The following ADAMTS3 variants were observed in gnomAD, a reference collection of about 807,000 sequenced individuals.
ADAMTS3 encodes ADAM metallopeptidase with thrombospondin type 1 motif 3, also known as A disintegrin and metalloproteinase with thrombospondin motifs 3.
Under a neutral mutation model 129.0 loss-of-function variants are expected in ADAMTS3, and 73 were observed. That is an observed-to-expected ratio of 0.57 (90% CI 0.47 to 0.69). The LOEUF (loss-of-function observed/expected upper bound fraction) is 0.69. ADAMTS3 is among the 30% of genes least tolerant of loss of function. The pLI is 0.00. For synonymous variants in ADAMTS3, 477 were observed against 510.8 expected, an observed-to-expected ratio of 0.93 and a Z score of 0.89; for missense variants, 1,457 against 1,514.5, an observed-to-expected ratio of 0.96 and a Z score of 0.63.
Position 72,336,794 on chromosome 4 carries a change from G to T in ADAMTS3, c.861+2700C>A, listed in dbSNP as rs550110151. The stretch of plus-strand genomic sequence containing the variant: ...TGTAGGGCTGTCTGTTGCGCTGTAG[G>T]ATGCTGAGCAGCATCCCAGGCCTCT... On this transcript the variant is annotated intron_variant, in intron 5 of 21. Coordinates refer to ENST00000286657, the MANE Select transcript of ADAMTS3 (RefSeq NM_014243.3). Among the ~76,000 whole-genome samples, 6 of 152,074 alleles carry T rather than the reference G, an allele frequency of 3.9e-5. No homozygotes were observed. In the South Asian group the frequency reaches 1.3e-3, roughly 32 times the overall value.
At position 72,506,000 on chromosome 4, in the gene ADAMTS3, G is replaced by A. The variant is rs181667850; in HGVS notation, c.504+42478C>T. Among the ~76,000 whole-genome samples, 376 of 152,286 alleles carry A rather than the reference G, an allele frequency of 2.5e-3. 5 individuals carry two copies. The highest frequency in any genetic ancestry group is 0.024 in the Admixed American group (361 of 15,302). ...ATGCCTGCAGAACCAGGCAAATGAG[G>A]GCTTCCAATGCATGGAGATCTGCCT... On this transcript the variant is annotated intron_variant, in intron 3 of 21. Transcript: ENST00000286657.
At chr4:72,539,682 T>G (rs1721273729) in intron 3 of ADAMTS3, among the ~76,000 whole-genome samples, 1 of 152,062 alleles carries the variant, frequency 6.6e-6, no homozygotes, top group Non-Finnish European at 1.5e-5. Context: ...AGGAACCTGG[T>G]GGGAGGTGAC....
chr4:72,386,845 G>A (rs1006931715), intron 4 of ADAMTS3, among the ~76,000 whole-genome samples: 1 of 152,072 alleles, frequency 6.6e-6, no homozygotes, highest in African/African-American at 2.4e-5. Context: ...GTTTTTAAGG[G>A]TTCATAAGAA....
intron 2 of ADAMTS3, among the ~76,000 whole-genome samples, chr4:72,559,227 G>A (rs552540625): frequency 1.3e-5 from 2 of 151,720 alleles, no homozygotes; most frequent in Admixed American, 1.3e-4. Context: ...CCTGTCACTA[G>A]CATCCAAAGG....
chr4:72,397,728 C>T (rs1721762828), intron 4 of ADAMTS3, among the ~76,000 whole-genome samples: 1 of 152,106 alleles, frequency 6.6e-6, no homozygotes, highest in African/African-American at 2.4e-5. Context: ...TTGAGACACA[C>T]AGAAGTTTAG....
At chr4:72,503,204 C>T (rs957240226) in intron 3 of ADAMTS3, among the ~76,000 whole-genome samples, 1 of 151,616 alleles carries the variant, frequency 6.6e-6, no homozygotes, top group Non-Finnish European at 1.5e-5. Context: ...TTGTATTTTA[C>T]TAGAGATGGG....
rs972600372 is a variant in ADAMTS3, at chr4:72,301,076, T to C, written c.2425-2634A>G. Among the ~76,000 whole-genome samples the C allele has an allele frequency of 4.6e-5, 7 of 152,156 alleles. 1 individual carries two copies. The highest frequency in any genetic ancestry group is 4.6e-4 in the Admixed American group (7 of 15,270). The stretch of plus-strand genomic sequence containing the variant: ...GGGTAATTTGTTTTACAACAATAGA[T>C]AACTAATATAGACATCCATATGCAA... On this transcript the variant is annotated intron_variant, in intron 17 of 21. Transcript: ENST00000286657.
chr4:72,531,480 A>T (rs879891951), intron 3 of ADAMTS3, among the ~76,000 whole-genome samples: 1 of 152,190 alleles, frequency 6.6e-6, no homozygotes, highest in Non-Finnish European at 1.5e-5. Flanking sequence ...ATTTGAAGCC[A>T]CAGAATCAGA....
intron 3 of ADAMTS3, among the ~76,000 whole-genome samples, chr4:72,497,735 T>A (rs1391230746): frequency 1.0e-5 from 1 of 99,790 alleles, no homozygotes; most frequent in Non-Finnish European, 2.0e-5. Flanking sequence ...TGTTATAGAT[T>A]AATGATTATC....
rs140719543 is a variant in ADAMTS3, at chr4:72,302,219, T to C, written c.2424+1698A>G. Among the ~76,000 whole-genome samples, 474 of 150,906 alleles carry C rather than the reference T, an allele frequency of 3.1e-3. 2 individuals carry two copies. Among genetic ancestry groups the C allele is most frequent in the African/African-American group, 0.011 (447 of 40,962 alleles). Reference sequence around the variant, plus strand: ...CAGGAAATGTGATCCATAAAAAAAATTGACAATGTGAAGACCCAGAACTTA... The same window carrying C: ...CAGGAAATGTGATCCATAAAAAAAACTGACAATGTGAAGACCCAGAACTTA... On this transcript the variant is annotated intron_variant, in intron 17 of 21. Transcript: ENST00000286657.
intron 2 of ADAMTS3, among the ~76,000 whole-genome samples, chr4:72,554,455 T>C (rs2170410): frequency 0.038 from 5,835 of 152,208 alleles, 401 homozygotes; most frequent in African/African-American, 0.13. Context: ...TGTTCTCTAT[T>C]GAGAATAACT....
chr4:72,373,272 G>T (rs1379714126), intron 4 of ADAMTS3, among the ~76,000 whole-genome samples: 1 of 152,018 alleles, frequency 6.6e-6, no homozygotes, highest in East Asian at 1.9e-4. Flanking sequence ...CAGAAGAGAC[G>T]GAGTCCAGAA....
intron 3 of ADAMTS3, among the ~76,000 whole-genome samples, chr4:72,496,559 G>A (rs1719877704): frequency 6.6e-6 from 1 of 152,094 alleles, no homozygotes; most frequent in Admixed American, 6.6e-5. Context: ...GCCACTCCTA[G>A]TATCATCAAT....
intron 4 of ADAMTS3, among the ~76,000 whole-genome samples, chr4:72,364,874 C>T (rs190448647): frequency 6.6e-6 from 1 of 152,062 alleles, no homozygotes; most frequent in African/African-American, 2.4e-5. Flanking sequence ...CAGGTGTGAG[C>T]CACCGCACTA....
intron 4 of ADAMTS3, among the ~76,000 whole-genome samples, chr4:72,401,700 A>G (rs1156322266): frequency 6.6e-6 from 1 of 152,114 alleles, no homozygotes; most frequent in Non-Finnish European, 1.5e-5. Flanking sequence ...AAACCATCAC[A>G]AAGGAAAGAT....
intron 2 of ADAMTS3, among the ~76,000 whole-genome samples, chr4:72,549,999 AGG>A (rs1491295293): frequency 0.01 from 80 of 7,794 alleles, 12 homozygotes; most frequent in African/African-American, 0.052. Context: ...GAAGAGGAAG[AGG>A]AAGAAGAAGA....
intron 1 of ADAMTS3, among the ~76,000 whole-genome samples, chr4:72,567,632 T>C (rs1044748381): frequency 6.6e-6 from 1 of 152,306 alleles, no homozygotes. Flanking sequence ...AATTTAACAC[T>C]TATGAAGCCA....
intron 19 of ADAMTS3, among the ~76,000 whole-genome samples, chr4:72,292,366 A>G (rs1560460783): frequency 6.6e-6 from 1 of 152,220 alleles, no homozygotes; most frequent in Non-Finnish European, 1.5e-5. Context: ...AGTTGTTGCT[A>G]TGAAGGCTAC....
intron 3 of ADAMTS3, among the ~76,000 whole-genome samples, chr4:72,453,156 T>A (rs545745368): frequency 5.5e-4 from 84 of 151,968 alleles, no homozygotes; most frequent in African/African-American, 2.0e-3. Flanking sequence ...TTCCATTTAT[T>A]AACATTCTAA....
Sources: gnomAD v4.1 joint callset for allele counts (sites outside exome capture counted in the v4.1 genomes callset) on GRCh38, gnomAD v4.1.1 for gene constraint, MANE v1.5 for transcripts, NCBI Gene and HGNC (gene_info 2026-07-23, HGNC 2026-07-21) for gene names.